KCNMA1: variants seen among roughly 807,000 people sequenced by gnomAD.
The protein encoded by KCNMA1 is Calcium-activated potassium channel subunit alpha-1.
Under a neutral mutation model 140.0 loss-of-function variants are expected in KCNMA1, and 29 were observed. The observed-to-expected ratio is 0.21, with a 90% confidence interval of 0.15 to 0.28. KCNMA1 has a LOEUF of 0.28. Ranked by LOEUF, KCNMA1 falls within the 10% of genes least tolerant of loss-of-function variation. The pLI, the probability that KCNMA1 is intolerant of heterozygous loss-of-function variation, is 1.00. For synonymous variants in KCNMA1, 612 were observed against 611.9 expected, an observed-to-expected ratio of 1.00 and a Z score of 0.00; for missense variants, 880 against 1,602.2, an observed-to-expected ratio of 0.55 and a Z score of 7.70.
At chr10:76,937,907 G>GTGCGTA (rs2060972105) in intron 23 of KCNMA1, among the ~76,000 whole-genome samples, 1 of 151,006 alleles carries the variant, frequency 6.6e-6, no homozygotes, top group South Asian at 2.1e-4. Flanking sequence ...GTGTGTGTGT[G>GTGCGTA]TGCGTATGTG....
At chr10:77,372,021 T>C (rs955884005) in intron 2 of KCNMA1, among the ~76,000 whole-genome samples, 2 of 152,206 alleles carry the variant, frequency 1.3e-5, no homozygotes, top group African/African-American at 4.8e-5. Context: ...CCTGTTTCCC[T>C]AGCTAAATTG....
At chr10:77,263,061 T>A (rs988802226) in intron 2 of KCNMA1, among the ~76,000 whole-genome samples, 1 of 152,162 alleles carries the variant, frequency 6.6e-6, no homozygotes, top group African/African-American at 2.4e-5. Context: ...CAGAAGCATA[T>A]GTATATTTAA....
intron 1 of KCNMA1, among the ~76,000 whole-genome samples, chr10:77,462,811 T>C (rs2097903714): frequency 6.6e-6 from 1 of 152,176 alleles, no homozygotes; most frequent in African/African-American, 2.4e-5. Context: ...TGGGGAGAGC[T>C]TGGCTCAGGA....
At chr10:77,615,791 G>A (rs2089225220) in intron 1 of KCNMA1, among the ~76,000 whole-genome samples, 1 of 152,080 alleles carries the variant, frequency 6.6e-6, no homozygotes, top group Non-Finnish European at 1.5e-5. Flanking sequence ...CCGTCTTGGT[G>A]CTCACTGTTG....
chr10:77,158,125 T>C (rs946477716), intron 5 of KCNMA1, among the ~76,000 whole-genome samples: 1 of 152,056 alleles, frequency 6.6e-6, no homozygotes, highest in African/African-American at 2.4e-5. Context: ...GAAATGAAAC[T>C]GAACAAAAGA....
At chr10:77,478,881 T>C (rs1046941434) in intron 1 of KCNMA1, among the ~76,000 whole-genome samples, 4 of 152,184 alleles carry the variant, frequency 2.6e-5, no homozygotes, top group African/African-American at 9.6e-5. Flanking sequence ...GATATAGTCA[T>C]TTAAAATATG....
chr10:77,114,679 T>C (rs1440958939), intron 6 of KCNMA1, among the ~76,000 whole-genome samples: 3 of 152,236 alleles, frequency 2.0e-5, no homozygotes. Context: ...GTTCCATCCA[T>C]CTGCAAGACA....
intron 3 of KCNMA1, among the ~76,000 whole-genome samples, chr10:77,200,170 C>T (rs1310438302): frequency 6.6e-6 from 1 of 152,088 alleles, no homozygotes; most frequent in Non-Finnish European, 1.5e-5. Context: ...AGGCTGGTCT[C>T]GAACTCCTGA....
At chr10:77,374,791 G>T (rs992548511) in intron 2 of KCNMA1, among the ~76,000 whole-genome samples, 22 of 152,186 alleles carry the variant, frequency 1.4e-4, no homozygotes, top group African/African-American at 4.8e-4. Flanking sequence ...GGGTTTAATG[G>T]GAAAGCTGGT....
intron 1 of KCNMA1, among the ~76,000 whole-genome samples, chr10:77,426,009 G>A (rs554376094): frequency 8.5e-5 from 13 of 152,170 alleles, no homozygotes; most frequent in East Asian, 3.9e-4. Context: ...GGACTGTGTC[G>A]TCTGATTCAA....
chr10:77,539,070 C>A (rs1381083173), intron 1 of KCNMA1, among the ~76,000 whole-genome samples: 2 of 152,062 alleles, frequency 1.3e-5, no homozygotes, highest in Non-Finnish European at 2.9e-5. Flanking sequence ...CGGGAGGACC[C>A]TAGGGAAGAA....
chr10:77,300,058 C>A (rs2076187832), intron 2 of KCNMA1, among the ~76,000 whole-genome samples: 2 of 152,200 alleles, frequency 1.3e-5, no homozygotes, highest in South Asian at 4.1e-4. Context: ...AAAAAATAAT[C>A]CCTTGGCCTC....
At chr10:77,116,200 T>A (rs943931559) in intron 6 of KCNMA1, among the ~76,000 whole-genome samples, 1 of 152,164 alleles carries the variant, frequency 6.6e-6, no homozygotes, top group Non-Finnish European at 1.5e-5. Flanking sequence ...CTAAAGTCAA[T>A]CATTCTCATG....
chr10:77,167,616 G>A (rs1310298036), intron 5 of KCNMA1, among the ~76,000 whole-genome samples: 1 of 152,056 alleles, frequency 6.6e-6, no homozygotes, highest in African/African-American at 2.4e-5. Flanking sequence ...AACCAGGGCA[G>A]AGACTAGGGT....
At chr10:77,141,385 G>A (rs1421240199) in intron 5 of KCNMA1, among the ~76,000 whole-genome samples, 1 of 152,184 alleles carries the variant, frequency 6.6e-6, no homozygotes, top group African/African-American at 2.4e-5. Context: ...ACTTTAGGGA[G>A]TGATTAGGTT....
chr10:77,227,095 T>A (rs921471002), intron 3 of KCNMA1, among the ~76,000 whole-genome samples: 1 of 152,216 alleles, frequency 6.6e-6, no homozygotes, highest in Non-Finnish European at 1.5e-5. Context: ...GCATAGTAGA[T>A]AATGATTCTG....
intron 22 of KCNMA1, 85 bp from the exon 23 acceptor site, chr10:76,945,050 A>G: frequency 9.0e-7 from 1 of 1,112,884 alleles, no homozygotes. Flanking sequence ...GTGAGAGGAG[A>G]GGGAAAGAGG....
At chr10:77,015,950 C>G (rs1379154910) in intron 17 of KCNMA1, among the ~76,000 whole-genome samples, 1 of 152,170 alleles carries the variant, frequency 6.6e-6, no homozygotes, top group Admixed American at 6.5e-5. Flanking sequence ...TCCTCTCATT[C>G]TCTACAATGC....
intron 14 of KCNMA1, among the ~76,000 whole-genome samples, chr10:77,052,953 T>G (rs943654716): frequency 1.6e-4 from 25 of 152,318 alleles, no homozygotes; most frequent in Admixed American, 1.1e-3. Context: ...CTTATTAAAG[T>G]ATTCAAAGTA....
Sources: allele counts gnomAD v4.1 joint callset (sites outside exome capture counted in the v4.1 genomes callset), GRCh38; gene constraint gnomAD v4.1.1; transcripts MANE v1.5; gene names NCBI Gene and HGNC (gene_info 2026-07-23, HGNC 2026-07-21).